Variants in USP36 observed in about 807,000 individuals in gnomAD.
USP36 encodes ubiquitin specific peptidase 36, also known as ubiquitin carboxyl-terminal hydrolase 36.
USP36 carries 59 observed loss-of-function variants against 111.5 expected under a neutral mutation model. The observed-to-expected ratio is 0.53, with a 90% CI of 0.43 to 0.66. USP36 has a LOEUF of 0.66. Among genes scored for constraint, USP36 ranks in the 30% least tolerant of loss-of-function variants. USP36 has a pLI of 0.00. For synonymous variants in USP36, 628 were observed against 581.0 expected, an observed-to-expected ratio of 1.08 and a Z score of -1.16; for missense variants, 1,488 against 1,468.0, an observed-to-expected ratio of 1.01 and a Z score of -0.22.
At chr17:78,830,178 A>G (rs1268686355) in intron 4 of USP36, among the ~76,000 whole-genome samples, 2 of 152,354 alleles carry the variant, frequency 1.3e-5, no homozygotes, top group African/African-American at 4.8e-5. Flanking sequence ...TTAGGCAATT[A>G]TCGTTCTCAT....
At chr17:78,790,025 C>G (rs1446917123) in intron 3 of USP36, among the ~76,000 whole-genome samples, 1 of 152,192 alleles carries the variant, frequency 6.6e-6, no homozygotes, top group Non-Finnish European at 1.5e-5. Context: ...TACCGGGTGG[C>G]TGGTAAGTGC....
Position 78,803,314 on chromosome 17 carries a change from G to C in USP36, c.2810+71C>G, listed in dbSNP as rs114905121. On this transcript the variant is annotated intron_variant, in intron 16 of 20. Coordinates refer to ENST00000449938, the MANE Select transcript of USP36 (RefSeq NM_001385174.1). The surrounding 1 kb of genome is among the most constrained non-coding windows in gnomAD (Gnocchi z 4.6). The stretch of plus-strand genomic sequence containing the variant: ...TACGTTTCCAGACCATACCTACTTG[G>C]GGGTAGATTCTGTGGTTTTGCTTTG... 1.4e-3 allele frequency: 2,115 copies of C among 1,498,762 alleles called. 22 individuals carry two copies. In the African/African-American group the frequency reaches 0.024, roughly 17 times the overall value. 92.8% of individuals were successfully genotyped at this position (1,498,762 alleles called of 1,614,324 possible). A position where few individuals can be genotyped will look rare whatever the true frequency, so the allele number is the denominator to read the frequency against.
chr17:78,805,354 T>C (rs2093868899), intron 15 of USP36, among the ~76,000 whole-genome samples: 1 of 152,174 alleles, frequency 6.6e-6, no homozygotes, highest in Non-Finnish European at 1.5e-5. Context: ...ATGCTAGGTA[T>C]AGGGCAGAGG....
At chr17:78,827,403 G>C in intron 5 of USP36, 56 bp from the exon 6 acceptor site, 1 of 1,537,118 alleles carries the variant, frequency 6.5e-7, no homozygotes, top group Non-Finnish European at 8.8e-7. Flanking sequence ...CAAACGGCCT[G>C]CGGCTGCTTT....
intron 3 of USP36, 177 bp downstream of exon 3, chr17:78,835,934 C>T: frequency 1.1e-6 from 1 of 928,332 alleles, no homozygotes; most frequent in Non-Finnish European, 1.6e-6. Flanking sequence ...CACAGATTTC[C>T]TTGCTACCAA....
intron 6 of USP36, 27 bp downstream of exon 6, chr17:78,827,218 T>C (rs764702182): frequency 2.4e-4 from 200 of 817,498 alleles, no homozygotes; most frequent in Non-Finnish European, 2.8e-4. Context: ...TCCAAAGCCC[T>C]GGGAGGGTGG....
downstream of USP36, among the ~76,000 whole-genome samples, chr17:78,793,004 C>T (rs1356038355): frequency 6.6e-6 from 1 of 152,078 alleles, no homozygotes; most frequent in Admixed American, 6.6e-5. Context: ...GTGTGAGCCA[C>T]CGCGCCCGCC....
rs766502659 is a variant in USP36 at position 78,813,793 on chromosome 17, G to A, written c.1245C>T (p.Ala415=). Reference sequence around the variant, plus strand: ...ATTACCGCAGATAGAACAGCACGTAGGCCTGCTGGTTCAGAACCACCTTGA... The same window carrying A: ...ATTACCGCAGATAGAACAGCACGTAAGCCTGCTGGTTCAGAACCACCTTGA... ...SNVKVVLNQQ[A]YVLFYLRIPG... The change falls in exon 12 of 21, where the codon GCC becomes GCT. Residue 415 remains alanine (A), a synonymous_variant. Coordinates refer to ENST00000449938, the MANE Select transcript of USP36 (RefSeq NM_001385174.1). 2.5e-6 allele frequency: 4 copies of A among 1,614,068 alleles called. No individual in the cohort carries two copies. Among genetic ancestry groups the A allele is most frequent in the Middle Eastern group, 1.7e-4 (1 of 6,056 alleles).
chr17:78,792,338 C>T (rs2093590342), downstream of USP36, among the ~76,000 whole-genome samples: 1 of 151,670 alleles, frequency 6.6e-6, no homozygotes, highest in Non-Finnish European at 1.5e-5. Flanking sequence ...AAGAAGTTGG[C>T]CTCAAGGGCA....
chr17:78,806,383 A>G (rs1453465518), intron 14 of USP36, 97 bp from the exon 15 acceptor site: 1 of 1,528,584 alleles, frequency 6.5e-7, no homozygotes, highest in South Asian at 1.2e-5. Flanking sequence ...AAATAAAAAC[A>G]AAAGAGCCCA....
chr17:78,840,018 C>T (rs2069106141), intron 1 of USP36, among the ~76,000 whole-genome samples: 1 of 152,232 alleles, frequency 6.6e-6, no homozygotes, highest in South Asian at 2.1e-4. Context: ...GGGAGAGGAG[C>T]CCACGGAAGC....
At chr17:78,833,340 G>C (rs889544818) in intron 4 of USP36, among the ~76,000 whole-genome samples, 4 of 151,906 alleles carry the variant, frequency 2.6e-5, no homozygotes, top group Non-Finnish European at 5.9e-5. Flanking sequence ...AAAGTGCAGT[G>C]GTGTGATCTC....
intron 3 of USP36, among the ~76,000 whole-genome samples, chr17:78,789,551 C>G (rs2093565111): frequency 6.6e-6 from 1 of 152,226 alleles, no homozygotes; most frequent in African/African-American, 2.4e-5. Flanking sequence ...CCGCAAGAGG[C>G]TGCAAAGCGA....
intron 4 of USP36, among the ~76,000 whole-genome samples, chr17:78,834,575 C>T (rs141123403): frequency 0.056 from 8,533 of 151,918 alleles, 746 homozygotes; most frequent in African/African-American, 0.19. Context: ...GCCTCCCGAG[C>T]AGCTGGGATT....
chr17:78,827,357 G>A lies in USP36; in HGVS notation c.587-10C>T. ...AAGTGTCGGGCGATCTCTAAAAGAG[G>A]AAGAAACAGGGAGGGAAGAGCTCGT... is the stretch of plus-strand genomic sequence containing the variant. On this transcript the variant is annotated splice_polypyrimidine_tract_variant and intron_variant, in intron 5 of 20. Transcript: ENST00000449938. 1 of 1,605,108 alleles carries A rather than the reference G, an allele frequency of 6.2e-7. No individual in the cohort carries two copies. Among genetic ancestry groups the A allele is most frequent in the Non-Finnish European group, 8.5e-7 (1 of 1,173,852 alleles).
intron 17 of USP36, among the ~76,000 whole-genome samples, chr17:78,801,548 C>T (rs2093743190): frequency 6.6e-6 from 1 of 152,174 alleles, no homozygotes; most frequent in Non-Finnish European, 1.5e-5. Flanking sequence ...CAAATGTGTT[C>T]TGTGGCGGGT....
At position 78,803,977 on chromosome 17, in the gene USP36, C is replaced by A; in HGVS notation, c.2218G>T (p.Ala740Ser). Residue 740 changes from alanine (A) to serine (S), a missense_variant and splice_region_variant, in exon 16 of 21, where the codon GCT (alanine) becomes TCT (serine). This residue lies in a region of USP36 where 1,073 missense variants were observed against 994.1 expected (regional missense o/e 1.08). Transcript: ENST00000449938. This position sits in a 1 kb window ranked among gnomAD's most constrained non-coding sequence, Gnocchi z 4.6. ...ASTWPVHRARAVSPAPQSSSR... is the reference protein window; with the variant it reads ...ASTWPVHRARSVSPAPQSSSR... ...GATGATTGGGGAGCAGGTGACACAG[C>A]CCTGTGGGGACAGCCAGGAAACAGG... 1 of 1,579,866 alleles carries A rather than the reference C, an allele frequency of 6.3e-7. No individual in the cohort carries two copies. Among genetic ancestry groups the A allele is most frequent in the Non-Finnish European group, 8.6e-7 (1 of 1,166,108 alleles).
chr17:78,835,183 A>T, intron 4 of USP36, 97 bp downstream of exon 4: 3 of 1,299,280 alleles, frequency 2.3e-6, no homozygotes, highest in Non-Finnish European at 3.2e-6. Flanking sequence ...TACCCTCCTA[A>T]ATTTGACCCA....
At chr17:78,836,853 T>G (rs922980268) in intron 2 of USP36, among the ~76,000 whole-genome samples, 1 of 151,088 alleles carries the variant, frequency 6.6e-6, no homozygotes, top group Admixed American at 6.6e-5. Context: ...ACGCAATAAA[T>G]GAATTAGCAT....
Sources: gnomAD v4.1 joint callset for allele counts (sites outside exome capture counted in the v4.1 genomes callset) on GRCh38, gnomAD v4.1.1 for gene constraint, gnomAD v4.1.1 regional missense constraint, Gnocchi (gnomAD v3.1) non-coding constraint, MANE v1.5 for transcripts, NCBI Gene and HGNC (gene_info 2026-07-23, HGNC 2026-07-21) for gene names.